ERMAP: variants seen among roughly 807,000 people sequenced by gnomAD.
The protein encoded by ERMAP is erythroid membrane-associated protein.
In ERMAP, 34 loss-of-function variants were observed where a neutral mutation model predicts 49.5. The observed-to-expected ratio is 0.69, with a 90% confidence interval of 0.52 to 0.91. ERMAP has a LOEUF of 0.91. Ranked by LOEUF, ERMAP falls within the 40% of genes least tolerant of loss-of-function variation. ERMAP has a pLI of 0.00. For synonymous variants in ERMAP, 214 were observed against 232.2 expected (o/e 0.92, Z 0.71); for missense variants, 541 against 582.6 (o/e 0.93, Z 0.74).
rs34935860 is a variant in ERMAP, at chr1:42,829,395, T to C, written c.-5-1049T>C. On this transcript the variant is annotated intron_variant, in intron 2 of 11. Transcript: ENST00000372517. Reference sequence around the variant, plus strand: ...TTCAGGGACTGGGCCTTCTGACTTATACAAAAGCCTCCTCTTTGGAAAGGA... The same window carrying C: ...TTCAGGGACTGGGCCTTCTGACTTACACAAAAGCCTCCTCTTTGGAAAGGA... Among the ~76,000 whole-genome samples the C allele has an allele frequency of 7.9e-3, 1,198 of 152,354 alleles. 3 individuals are homozygous for C. Among genetic ancestry groups the C allele is most frequent in the African/African-American group, 0.015 (622 of 41,582 alleles).
In ERMAP at chr1:42,830,754, CTTT is replaced by C; in HGVS notation, c.86-9_86-7del. 1 of 1,516,298 alleles carries C rather than the reference CTTT, an allele frequency of 6.6e-7. No homozygotes were observed. Among genetic ancestry groups the C allele is most frequent in the Non-Finnish European group, 8.8e-7 (1 of 1,132,044 alleles). The allele number at this position is 1,516,298 out of a possible 1,614,324, so 93.9% of individuals were successfully genotyped here. On this transcript the variant is annotated splice_polypyrimidine_tract_variant and intron_variant, in intron 3 of 11. Transcript: ENST00000372517. ...CCGTCCCTCCCAGTTGGCCTTGTCTCTTTTTTTGTCCAGGCCACGCAGGGGATG... is the reference window on the plus strand; with the variant it reads ...CCGTCCCTCCCAGTTGGCCTTGTCTCTTTTGTCCAGGCCACGCAGGGGATG...
chr1:42,828,441 G>A (rs958016111), intron 2 of ERMAP, among the ~76,000 whole-genome samples: 3 of 152,064 alleles, frequency 2.0e-5, no homozygotes, highest in African/African-American at 7.2e-5. Flanking sequence ...GTTAGGAAAT[G>A]GCAGAGCCAG....
At position 42,817,202 on chromosome 1, in the gene ERMAP, G is replaced by C. The variant is rs1430677897; in HGVS notation, c.-173G>C. The C allele has an allele frequency of 8.0e-7, 1 of 1,255,482 alleles. No individual in the cohort carries two copies. Among genetic ancestry groups the C allele is most frequent in the Non-Finnish European group, 1.0e-6 (1 of 973,790 alleles). The allele number at this position is 1,255,482 out of a possible 1,614,324, so 77.8% of individuals were successfully genotyped here. A position where few individuals can be genotyped will look rare whatever the true frequency, so the allele number is the denominator to read the frequency against. On this transcript the variant is annotated 5_prime_UTR_variant, in exon 1 of 12. Transcript: ENST00000372517. ...TGGGAGTCTGTACCTTTCCCGACCG[G>C]GCCACTGGAAGTTGGAGCCTCCGCC...
chr1:42,834,524 G>A lies in ERMAP; in HGVS notation c.434-514G>A, dbSNP rs995979898. Among the ~76,000 whole-genome samples the A allele has an allele frequency of 9.9e-5, 15 of 152,214 alleles. No individual in the cohort carries two copies. In the South Asian group the frequency reaches 1.5e-3, roughly 15 times the overall value. On this transcript the variant is annotated intron_variant, in intron 4 of 11. Transcript: ENST00000372517. ...AGGCAGGACCATCCAAACCATTCCC[G>A]AGAGAGGAACATCTCAGTTTTTGTT...
rs1654717202 is a variant in ERMAP at position 42,831,088 on chromosome 1, G to A, written c.406G>A (p.Glu136Lys). ...GATCCAAGTTGGAAATCTGAGTAAAGAGGACACCGTGATCCTGCAGGTTGC... is the reference window on the plus strand; with the variant it reads ...GATCCAAGTTGGAAATCTGAGTAAAAAGGACACCGTGATCCTGCAGGTTGC... ...CLIQVGNLSK[E>K]DTVILQVAAP... Residue 136 changes from glutamate to lysine, a missense_variant, in exon 4 of 12, where the codon GAG becomes AAG. Glu to Lys is a moderately conservative substitution (Grantham distance 56). Coordinates refer to ENST00000372517, the MANE Select transcript of ERMAP (RefSeq NM_001017922.2). 2 of 1,614,248 alleles carry A rather than the reference G, an allele frequency of 1.2e-6. No homozygotes were observed. Among genetic ancestry groups the A allele is most frequent in the South Asian group, 1.1e-5 (1 of 91,076 alleles).
chr1:42,835,293 G>A (rs1654862643), intron 5 of ERMAP, 139 bp downstream of exon 5: 1 of 651,342 alleles, frequency 1.5e-6, no homozygotes. Flanking sequence ...GAGAAAACTG[G>A]TAGAGCCATG....
chr1:42,840,286 G>C lies in ERMAP; in HGVS notation c.702G>C (p.Arg234=). Residue 234 remains arginine (R), a synonymous_variant, in exon 11 of 12, where the codon CGG becomes CGC. Coordinates refer to ENST00000372517, the MANE Select transcript of ERMAP (RefSeq NM_001017922.2). ...AAANSGWRRA[R]LHFVAVTLDP... Reference sequence around the variant, plus strand: ...ATTTTTCAGGCTGGAGAAGAGCCCGGTTGCATTTTGGTAAGTTATACCAAT... The same window carrying C: ...ATTTTTCAGGCTGGAGAAGAGCCCGCTTGCATTTTGGTAAGTTATACCAAT... 1 of 1,614,116 alleles carries C rather than the reference G, an allele frequency of 6.2e-7. No individual in the cohort carries two copies. Among genetic ancestry groups the C allele is most frequent in the Non-Finnish European group, 8.5e-7 (1 of 1,180,022 alleles).
At chr1:42,840,323 A>G (rs1287211406) in intron 11 of ERMAP, 27 bp downstream of exon 11, 3 of 1,614,066 alleles carry the variant, frequency 1.9e-6, no homozygotes, top group South Asian at 1.1e-5. Context: ...AAATAGGTCC[A>G]TATCTCAGAG....
chr1:42,825,866 T>C (rs1654530820), intron 2 of ERMAP, 128 bp downstream of exon 2: 2 of 1,123,182 alleles, frequency 1.8e-6, no homozygotes, highest in South Asian at 1.6e-5. Flanking sequence ...ATGGGGCAGT[T>C]GTTAGCTATC....
chr1:42,825,654 C>T lies in ERMAP; in HGVS notation c.-90C>T. On this transcript the variant is annotated 5_prime_UTR_variant, in exon 2 of 12. Transcript: ENST00000372517. ...CTGATGCGCTTGCCTGCTCCCTGGTCTCTCTGCATGGGGAAGGAGTGTTCC... is the reference window on the plus strand; with the variant it reads ...CTGATGCGCTTGCCTGCTCCCTGGTTTCTCTGCATGGGGAAGGAGTGTTCC... 2 of 1,289,346 alleles carry T rather than the reference C, an allele frequency of 1.6e-6. 1 individual carries two copies. Among genetic ancestry groups the T allele is most frequent in the South Asian group, 2.5e-5 (2 of 81,018 alleles). 79.9% of individuals were successfully genotyped at this position (1,289,346 alleles called of 1,614,324 possible).
At chr1:42,832,731 T>G (rs1409500004) in intron 4 of ERMAP, among the ~76,000 whole-genome samples, 4 of 152,342 alleles carry the variant, frequency 2.6e-5, no homozygotes, top group African/African-American at 9.6e-5. Flanking sequence ...ATACAGTTAT[T>G]GCTATGGGTG....
At chr1:42,838,847 G>C in intron 7 of ERMAP, 54 bp from the exon 8 acceptor site, 1 of 1,610,216 alleles carries the variant, frequency 6.2e-7, no homozygotes, top group Non-Finnish European at 8.5e-7. Context: ...ACAGCTCTGA[G>C]GAAAAAGAGG....
intron 2 of ERMAP, among the ~76,000 whole-genome samples, chr1:42,825,980 CATT>C (rs887449533): frequency 4.6e-5 from 7 of 152,150 alleles, no homozygotes; most frequent in Admixed American, 4.6e-4. Flanking sequence ...TTAAAGCCAA[CATT>C]TATTTAGCTC....
chr1:42,820,833 C>G (rs558489521), intron 1 of ERMAP, among the ~76,000 whole-genome samples: 44 of 152,268 alleles, frequency 2.9e-4, no homozygotes, highest in Non-Finnish European at 5.1e-4. Flanking sequence ...CTCTGGCTTT[C>G]AAGTTGGAGC....
chr1:42,839,034 A>C (rs2124353769), intron 8 of ERMAP, 113 bp downstream of exon 8: 2 of 1,557,742 alleles, frequency 1.3e-6, no homozygotes, highest in South Asian at 2.2e-5. Context: ...CTGGTAATTC[A>C]AGCCATGGGG....
chr1:42,821,987 T>C lies in ERMAP; in HGVS notation c.-121-3636T>C, dbSNP rs562586745. 9.5e-5 allele frequency among the ~76,000 whole-genome samples: 14 copies of C among 147,812 alleles called. No homozygotes were observed. In the South Asian group the frequency reaches 3.0e-3, roughly 31 times the overall value. On this transcript the variant is annotated intron_variant, in intron 1 of 11. Coordinates refer to ENST00000372517, the MANE Select transcript of ERMAP (RefSeq NM_001017922.2). ...ATGATTGTGCCTTTGCACTCCAGCC[T>C]GGGCAACAGAGCTAGACCCTAGCTC...
At chr1:42,842,338 C>A (rs571303013) in intron 11 of ERMAP, among the ~76,000 whole-genome samples, 179 bp from the exon 12 acceptor site, 4 of 152,212 alleles carry the variant, frequency 2.6e-5, no homozygotes, top group Non-Finnish European at 4.4e-5. Context: ...ACCAGGAGAC[C>A]TATTCTTTGA....
chr1:42,843,414 A>G lies in ERMAP; in HGVS notation c.*182A>G. On this transcript the variant is annotated 3_prime_UTR_variant, in exon 12 of 12. Transcript: ENST00000372517. ...AGTTCTGAAGCTTACCTTTCTTCTA[A>G]GGAATTGAAGCTCCCAGTGACCTGG... is the stretch of plus-strand genomic sequence containing the variant. The G allele has an allele frequency of 2.0e-6, 1 of 509,530 alleles. No individual in the cohort carries two copies. The highest frequency in any genetic ancestry group is 3.4e-6 in the Non-Finnish European group (1 of 294,234). The allele number at this position is 509,530 out of a possible 1,614,324, so 31.6% of individuals were successfully genotyped here.
Position 42,842,932 on chromosome 1 carries a change from C to G in ERMAP, c.1128C>G (p.Asn376Lys), listed in dbSNP as rs752935377. The G allele has an allele frequency of 2.5e-6, 4 of 1,614,216 alleles. No homozygotes were observed. Among genetic ancestry groups the G allele is most frequent in the Admixed American group, 1.7e-5 (1 of 60,034 alleles). ...AGVISFYNVT[N>K]KSHIFTFTHN... ...TCATCTCTTTCTACAATGTGACCAA[C>G]AAGTCCCACATCTTTACTTTCACCC... The change falls in exon 12 of 12, where the codon AAC becomes AAG. Residue 376 changes from asparagine (N) to lysine (K), a missense_variant. By Grantham distance (94) the Asn-to-Lys change is moderately conservative. Coordinates refer to ENST00000372517, the MANE Select transcript of ERMAP (RefSeq NM_001017922.2).
Sources: allele counts gnomAD v4.1 joint callset (sites outside exome capture counted in the v4.1 genomes callset), GRCh38; gene constraint gnomAD v4.1.1; transcripts MANE v1.5; gene names NCBI Gene and HGNC (gene_info 2026-07-23, HGNC 2026-07-21).